The following ANXA2 variants were observed in gnomAD, a reference collection of about 807,000 sequenced individuals.
ANXA2 encodes annexin A2.
ANXA2 carries 28 observed loss-of-function variants against 47.3 expected under a neutral mutation model. The ratio of observed to expected loss-of-function variants is 0.59; its 90% CI spans 0.44 to 0.81. ANXA2 has a LOEUF of 0.81. Ranked by LOEUF, ANXA2 falls within the 40% of genes least tolerant of loss-of-function variation. The pLI, the probability that ANXA2 is intolerant of heterozygous loss-of-function variation, is 0.00. For missense variants in ANXA2, 384 were observed against 414.3 expected, an observed-to-expected ratio of 0.93 and a Z score of 0.64; for synonymous variants, 172 against 155.5, an observed-to-expected ratio of 1.11 and a Z score of -0.79.
At chr15:60,374,673 G>T in intron 3 of ANXA2, 1 of 456,094 alleles carries the variant, frequency 2.2e-6, no homozygotes, top group South Asian at 1.5e-5. Flanking sequence ...ACGTGGCTCA[G>T]GTCTGGCACC....
chr15:60,365,836 C>CCCTCTT (rs2062587324), intron 3 of ANXA2, among the ~76,000 whole-genome samples: 1 of 79,570 alleles, frequency 1.3e-5, no homozygotes, highest in African/African-American at 5.8e-5. Flanking sequence ...GTCTCCCTCT[C>CCCTCTT]CCTCTCCCTC....
At chr15:60,381,619 A>T (rs1263713470) in intron 3 of ANXA2, among the ~76,000 whole-genome samples, 1 of 152,072 alleles carries the variant, frequency 6.6e-6, no homozygotes, top group Non-Finnish European at 1.5e-5. Flanking sequence ...TCTCTTACTC[A>T]TCCTAGAACT....
intron 1 of ANXA2, among the ~76,000 whole-genome samples, chr15:60,392,329 T>A (rs573458802): frequency 6.6e-6 from 1 of 151,972 alleles, no homozygotes; most frequent in Non-Finnish European, 1.5e-5. Context: ...GGTGCAAAAA[T>A]AACTGCCATT....
chr15:60,380,123 G>A (rs2062835285), intron 3 of ANXA2, among the ~76,000 whole-genome samples: 1 of 152,190 alleles, frequency 6.6e-6, no homozygotes, highest in Admixed American at 6.5e-5. Context: ...AAACCACATG[G>A]ATGTGTATGT....
At chr15:60,374,564 T>G (rs1294192672) in intron 3 of ANXA2, 3 of 455,826 alleles carry the variant, frequency 6.6e-6, no homozygotes, top group East Asian at 6.9e-5. Context: ...GAGCTAACTG[T>G]TTTTTAAAAA....
intron 2 of ANXA2, chr15:60,383,790 A>G (rs2062897225): frequency 1.3e-5 from 2 of 152,172 alleles, no homozygotes; most frequent in Admixed American, 6.6e-5. Flanking sequence ...AAGAGTGAAA[A>G]GGCCAAGATC....
intron 8 of ANXA2, 43 bp downstream of exon 8, chr15:60,354,111 T>C: frequency 6.4e-7 from 1 of 1,564,640 alleles, no homozygotes; most frequent in East Asian, 2.2e-5. Flanking sequence ...ATCCAGAGAC[T>C]TACCAGAAAA....
Position 60,347,638 on chromosome 15 carries a change from C to T in ANXA2, c.1012G>A (p.Asp338Asn). The T allele has an allele frequency of 6.2e-7, 1 of 1,614,190 alleles. No individual in the cohort carries two copies. Among genetic ancestry groups the T allele is most frequent in the Middle Eastern group, 1.6e-4 (1 of 6,062 alleles). ...TCAGGCCGTGTCGGGCTTCAGTCAT[C>T]TCCACCACACAGGTACAGCAGCGCT... ...QKALLYLCGGDD is the reference protein window; with the variant it reads ...QKALLYLCGGND Residue 338 changes from aspartate to asparagine, a missense_variant, in exon 13 of 13, where the codon GAT (aspartate) becomes AAT (asparagine). Physicochemically the swap from Asp to Asn is conservative, Grantham distance 23 (BLOSUM62 1). Coordinates refer to ENST00000451270, the MANE Select transcript of ANXA2 (RefSeq NM_004039.3).
rs1043253149 is a variant in ANXA2 at position 60,392,920 on chromosome 15, A to G, written c.-12+5023T>C. On this transcript the variant is annotated intron_variant, in intron 1 of 12. Transcript: ENST00000451270. ...ACACAGTCCTGGACACACAGTCTAC[A>G]GGCCACACTGGAATTTTAAACTAAA... 13 of 972,382 alleles carry G rather than the reference A, an allele frequency of 1.3e-5. No individual in the cohort carries two copies. In the Admixed American group the frequency reaches 4.8e-4, roughly 36 times the overall value. The allele number at this position is 972,382 out of a possible 1,614,324, so 60.2% of individuals were successfully genotyped here.
chr15:60,391,592 A>G (rs1272169121), intron 1 of ANXA2, among the ~76,000 whole-genome samples: 6 of 152,324 alleles, frequency 3.9e-5, no homozygotes, highest in Middle Eastern at 3.4e-3. Flanking sequence ...CTCAGTACTC[A>G]TATTTATCTA....
At chr15:60,374,759 A>C (rs1406400505) in intron 3 of ANXA2, 1 of 453,832 alleles carries the variant, frequency 2.2e-6, no homozygotes, top group East Asian at 6.9e-5. Flanking sequence ...GTGACTCAGC[A>C]CTGGCCTCTT....
Position 60,351,232 on chromosome 15 carries a change from C to T in ANXA2, c.798G>A (p.Lys266=). The T allele has an allele frequency of 1.9e-6, 3 of 1,614,226 alleles. No individual in the cohort carries two copies. Among genetic ancestry groups the T allele is most frequent in the Non-Finnish European group, 2.5e-6 (3 of 1,180,042 alleles). Reference sequence around the variant, plus strand: ...ACAGCCGATCAGCAAAATACAGGGGCTTGTTCTGAATGCACTGAACTGTGG... The same window carrying T: ...ACAGCCGATCAGCAAAATACAGGGGTTTGTTCTGAATGCACTGAACTGTGG... ...FLNLVQCIQN[K]PLYFADRLYD... is the part of the protein sequence containing the mutation. The change falls in exon 11 of 13, where the codon AAG becomes AAA. Residue 266 remains lysine, a synonymous_variant. Transcript: ENST00000451270.
At chr15:60,348,237 T>A (rs1177551986) in intron 12 of ANXA2, among the ~76,000 whole-genome samples, 1 of 152,116 alleles carries the variant, frequency 6.6e-6, no homozygotes, top group Non-Finnish European at 1.5e-5. Context: ...GGGCATGCCT[T>A]TGGACATCTG....
chr15:60,388,219 T>G lies in ANXA2; in HGVS notation c.-11-2133A>C, dbSNP rs554613266. On this transcript the variant is annotated intron_variant, in intron 1 of 12. Coordinates refer to ENST00000451270, the MANE Select transcript of ANXA2 (RefSeq NM_004039.3). Reference sequence around the variant, plus strand: ...AAAAAAAAGACAATTTAGAATAGTCTTGCTCTGTAGCAGAACCGTCCAATA... The same window carrying G: ...AAAAAAAAGACAATTTAGAATAGTCGTGCTCTGTAGCAGAACCGTCCAATA... Among the ~76,000 whole-genome samples the G allele has an allele frequency of 4.5e-4, 69 of 152,142 alleles. No homozygotes were observed. The South Asian group carries it at 5.0e-3, about 11-fold the overall frequency.
At chr15:60,395,651 A>C (rs760198285) in intron 1 of ANXA2, 7 of 152,232 alleles carry the variant, frequency 4.6e-5, no homozygotes, top group Non-Finnish European at 7.3e-5. Context: ...GCCTAATGTC[A>C]ATCAATACCA....
intron 3 of ANXA2, among the ~76,000 whole-genome samples, chr15:60,379,354 A>C (rs998313250): frequency 6.6e-6 from 1 of 152,142 alleles, no homozygotes; most frequent in Middle Eastern, 3.4e-3. Context: ...AGTCTGGGGG[A>C]AAAAAAAGGA....
intron 1 of ANXA2, among the ~76,000 whole-genome samples, chr15:60,389,314 G>A (rs1206842590): frequency 6.6e-6 from 1 of 152,210 alleles, no homozygotes; most frequent in East Asian, 1.9e-4. Context: ...AATTCCACTT[G>A]TTTATGAAAT....
chr15:60,350,895 G>C (rs1309929285), intron 11 of ANXA2, among the ~76,000 whole-genome samples: 2 of 152,200 alleles, frequency 1.3e-5, no homozygotes, highest in African/African-American at 2.4e-5. Context: ...GCAGTAACAG[G>C]AAGAAATCAC....
At chr15:60,394,472 GCGGATCA>G (rs1566952904) in intron 1 of ANXA2, 2 of 152,314 alleles carry the variant, frequency 1.3e-5, no homozygotes, top group Non-Finnish European at 2.9e-5. Context: ...GCCGAGACAG[GCGGATCA>G]CTTGAGCTCA....
Sources: gnomAD v4.1 joint callset for allele counts (sites outside exome capture counted in the v4.1 genomes callset) on GRCh38, gnomAD v4.1.1 for gene constraint, MANE v1.5 for transcripts, NCBI Gene and HGNC (gene_info 2026-07-23, HGNC 2026-07-21) for gene names.